Variants in STOM observed in about 807,000 individuals in gnomAD.
STOM encodes the protein stomatin.
A neutral mutation model predicts 30.6 loss-of-function variants in STOM; 25 were observed. That is an observed-to-expected ratio of 0.82 (90% CI 0.60 to 1.14). The LOEUF (loss-of-function observed/expected upper bound fraction) is 1.14, where lower values mean the gene tolerates loss of function less well. Among genes scored for constraint, STOM ranks in the 50% most tolerant of loss-of-function variants. The pLI, the probability that STOM is intolerant of heterozygous loss-of-function variation, is 0.00. For missense variants in STOM, 292 were observed against 365.2 expected (o/e 0.80, Z 1.63); for synonymous variants, 118 against 130.8 (o/e 0.90, Z 0.67).
At chr9:121,358,405 A>G (rs1286124741) in intron 1 of STOM, among the ~76,000 whole-genome samples, 1 of 152,078 alleles carries the variant, frequency 6.6e-6, no homozygotes, top group African/African-American at 2.4e-5. Flanking sequence ...TCGTGGCTGC[A>G]GTGAGCTGTG....
intron 1 of STOM, among the ~76,000 whole-genome samples, chr9:121,363,242 A>C (rs17086): frequency 1.3e-5 from 2 of 152,144 alleles, no homozygotes; most frequent in African/African-American, 4.8e-5. Context: ...TCCTGCCTGG[A>C]TGGGGCAAGA....
intron 6 of STOM, among the ~76,000 whole-genome samples, chr9:121,344,601 C>T (rs747268086): frequency 3.9e-5 from 6 of 152,124 alleles, no homozygotes; most frequent in African/African-American, 2.4e-5. Flanking sequence ...CGGCTTTTGT[C>T]GAATGTGCAG....
At chr9:121,348,615 C>T (rs1308792256) in intron 5 of STOM, among the ~76,000 whole-genome samples, 1 of 152,222 alleles carries the variant, frequency 6.6e-6, no homozygotes, top group Non-Finnish European at 1.5e-5. Flanking sequence ...TGAAACCACA[C>T]ATCTATTTCA....
intron 1 of STOM, chr9:121,369,859 A>G: frequency 2.1e-6 from 1 of 466,972 alleles, no homozygotes; most frequent in Non-Finnish European, 3.9e-6. Context: ...CAGCCCTGGC[A>G]TGGGGCTTGG....
intron 1 of STOM, among the ~76,000 whole-genome samples, chr9:121,357,424 G>GATATATATATATATATATATAT (rs1156937416): frequency 0.01 from 972 of 95,120 alleles, 46 homozygotes; most frequent in Non-Finnish European, 0.013. Flanking sequence ...ATTTTTAAAT[G>GATATATATATATATATATATAT]ATATATATAT....
chr9:121,366,993 G>A (rs1405622133), intron 1 of STOM, among the ~76,000 whole-genome samples: 2 of 151,958 alleles, frequency 1.3e-5, no homozygotes, highest in Non-Finnish European at 2.9e-5. Context: ...GGGCTGAGGT[G>A]GGAGGATCAC....
intron 6 of STOM, among the ~76,000 whole-genome samples, chr9:121,344,513 G>T (rs1002234559): frequency 6.6e-6 from 1 of 152,122 alleles, no homozygotes; most frequent in Non-Finnish European, 1.5e-5. Context: ...CAACACCACC[G>T]GCTTTGTCTA....
chr9:121,357,424 G>GATATTGATATATATATATATATATATAT (rs1554831050), intron 1 of STOM, among the ~76,000 whole-genome samples: 11 of 95,374 alleles, frequency 1.2e-4, no homozygotes, highest in African/African-American at 3.2e-4. Flanking sequence ...ATTTTTAAAT[G>GATATTGATATATATATATATATATATAT]ATATATATAT....
At chr9:121,360,067 C>T (rs1284948456) in intron 1 of STOM, among the ~76,000 whole-genome samples, 5 of 152,168 alleles carry the variant, frequency 3.3e-5, no homozygotes, top group Admixed American at 3.3e-4. Flanking sequence ...GTCCAAGTCT[C>T]CCATAACATA....
At chr9:121,359,875 T>C (rs963671645) in intron 1 of STOM, among the ~76,000 whole-genome samples, 1 of 152,150 alleles carries the variant, frequency 6.6e-6, no homozygotes, top group Admixed American at 6.5e-5. Flanking sequence ...GAGAATGAAA[T>C]CTGATATTTT....
intron 1 of STOM, among the ~76,000 whole-genome samples, chr9:121,369,591 T>C (rs992452559): frequency 6.6e-6 from 1 of 151,684 alleles, no homozygotes; most frequent in Non-Finnish European, 1.5e-5. Context: ...AAAGTGGAGC[T>C]AGAAAGAGAG....
At chr9:121,357,087 AGTT>A (rs1388378801) in intron 1 of STOM, among the ~76,000 whole-genome samples, 1 of 152,178 alleles carries the variant, frequency 6.6e-6, no homozygotes, top group Non-Finnish European at 1.5e-5. Context: ...ATGAGTATAA[AGTT>A]GTTTAGAGCC....
At chr9:121,346,823 G>C (rs1228504546) in intron 6 of STOM, among the ~76,000 whole-genome samples, 2 of 152,218 alleles carry the variant, frequency 1.3e-5, no homozygotes, top group African/African-American at 2.4e-5. Flanking sequence ...TGCTGGCTAA[G>C]AAATTATAGT....
Position 121,353,793 on chromosome 9 carries a change from G to A in STOM, c.239-491C>T, listed in dbSNP as rs557190533. 1.1e-4 allele frequency among the ~76,000 whole-genome samples: 17 copies of A among 152,130 alleles called. No homozygotes were observed. In the South Asian group the frequency reaches 3.3e-3, roughly 30 times the overall value. On this transcript the variant is annotated intron_variant, in intron 3 of 6. Coordinates refer to ENST00000286713, the MANE Select transcript of STOM (RefSeq NM_004099.6). ...AATCTGCAATACTCTCCTCTTTGTT[G>A]CTTTGTGTATGTTGCTATTTCCGCC...
chr9:121,362,427 T>C (rs1049964392), intron 1 of STOM, among the ~76,000 whole-genome samples: 3 of 152,178 alleles, frequency 2.0e-5, no homozygotes, highest in African/African-American at 4.8e-5. Context: ...TTCTTTATCA[T>C]TATTAAAGAT....
chr9:121,359,122 A>AATGACAGAGGGGAGAAAAGGT (rs1270272408), intron 1 of STOM, among the ~76,000 whole-genome samples: 6 of 152,106 alleles, frequency 3.9e-5, no homozygotes, highest in Non-Finnish European at 5.9e-5. Context: ...GAGCTATTTT[A>AATGACAGAGGGGAGAAAAGGT]ATGACAGAGG....
intron 1 of STOM, among the ~76,000 whole-genome samples, chr9:121,362,658 A>G (rs2064464887): frequency 6.6e-6 from 1 of 152,186 alleles, no homozygotes; most frequent in South Asian, 2.1e-4. Flanking sequence ...ATGAATTCCT[A>G]TGACATGTTA....
At position 121,370,179 on chromosome 9, in the gene STOM, C is replaced by T. The variant is rs2064552084; in HGVS notation, c.9G>A (p.Glu3=). 3.9e-6 allele frequency: 6 copies of T among 1,548,154 alleles called. No individual in the cohort carries two copies. Among genetic ancestry groups the T allele is most frequent in the Non-Finnish European group, 5.2e-6 (6 of 1,146,432 alleles). MA[E]KRHTRDSEAQ... is the part of the protein sequence containing the mutation. ...CTTCGGAGTCCCGTGTGTGCCGCTT[C>T]TCGGCCATGCTGCCCGAGACGCAGT... The change falls in exon 1 of 7, where the codon GAG becomes GAA. Residue 3 remains glutamate (E), a synonymous_variant. Transcript: ENST00000286713.
chr9:121,366,323 A>C (rs2064503190), intron 1 of STOM: 2 of 874,224 alleles, frequency 2.3e-6, no homozygotes, highest in Non-Finnish European at 2.7e-6. Context: ...AATTATTTTA[A>C]TTGAAATGAT....
Sources: gnomAD v4.1 joint callset for allele counts (sites outside exome capture counted in the v4.1 genomes callset) on GRCh38, gnomAD v4.1.1 for gene constraint, MANE v1.5 for transcripts, NCBI Gene and HGNC (gene_info 2026-07-23, HGNC 2026-07-21) for gene names.